Variants in MLLT1 observed in about 807,000 individuals in gnomAD.
The protein encoded by MLLT1 is MLLT1 super elongation complex subunit.
In MLLT1, 11 loss-of-function variants were observed where a neutral mutation model predicts 55.1. The observed-to-expected ratio is 0.20, with a 90% CI of 0.13 to 0.33. The LOEUF (loss-of-function observed/expected upper bound fraction) is 0.33. Ranked by LOEUF, MLLT1 falls within the 10% of genes least tolerant of loss-of-function variation. MLLT1 has a pLI of 1.00. For missense variants in MLLT1, 536 were observed against 760.6 expected (o/e 0.70, Z 3.47); for synonymous variants, 323 against 320.1 (o/e 1.01, Z -0.10).
intron 3 of MLLT1, among the ~76,000 whole-genome samples, chr19:6,261,377 G>A (rs2144939289): frequency 6.6e-6 from 1 of 152,336 alleles, no homozygotes; most frequent in South Asian, 2.1e-4. Context: ...CGTGCCAGAG[G>A]GTTTGTGGAA....
chr19:6,265,063 AAC>A lies in MLLT1; in HGVS notation c.194-2755_194-2754del, dbSNP rs1205742754. Among the ~76,000 whole-genome samples the A allele has an allele frequency of 3.2e-3, 433 of 136,938 alleles. 22 individuals carry two copies. The highest frequency in any genetic ancestry group is 0.011 in the African/African-American group (375 of 34,118). 89.8% of individuals were successfully genotyped at this position (136,938 alleles called of 152,430 possible). ...CAAAAAAAAAACAAAAAAACAAAAA[AAC>A]AAAAAAAAACATGATGTCATAAAGC... On this transcript the variant is annotated intron_variant, in intron 2 of 11. Coordinates refer to ENST00000252674, the MANE Select transcript of MLLT1 (RefSeq NM_005934.4).
chr19:6,278,402 G>A (rs2091438507), intron 1 of MLLT1, among the ~76,000 whole-genome samples: 1 of 149,238 alleles, frequency 6.7e-6, no homozygotes, highest in Non-Finnish European at 1.5e-5. Context: ...CAGACCAATG[G>A]GGAGGGGCCG....
At position 6,240,340 on chromosome 19, in the gene MLLT1, C is replaced by T. The variant is rs1400522058; in HGVS notation, c.277-9627G>A. ...TGGTCAGGGGAGGCGGGGGAGTTTT[C>T]TTCTTGTACCCCTGAACTTCAAACT... On this transcript the variant is annotated intron_variant, in intron 3 of 11. Coordinates refer to ENST00000252674, the MANE Select transcript of MLLT1 (RefSeq NM_005934.4). The surrounding 1 kb of genome is among the most constrained non-coding windows in gnomAD (Gnocchi z 4.7). Among the ~76,000 whole-genome samples the T allele has an allele frequency of 6.6e-6, 1 of 152,212 alleles. No homozygotes were observed. Among genetic ancestry groups the T allele is most frequent in the Non-Finnish European group, 1.5e-5 (1 of 68,022 alleles).
At chr19:6,217,601 G>A (rs1432129288) in intron 7 of MLLT1, among the ~76,000 whole-genome samples, 1 of 152,252 alleles carries the variant, frequency 6.6e-6, no homozygotes, top group African/African-American at 2.4e-5. Flanking sequence ...TGGGGAGCGG[G>A]TGGGATGGGC....
At chr19:6,277,866 A>G (rs1295442606) in intron 1 of MLLT1, among the ~76,000 whole-genome samples, 1 of 152,210 alleles carries the variant, frequency 6.6e-6, no homozygotes, top group Non-Finnish European at 1.5e-5. Context: ...ATTGGAAGCA[A>G]CAAGCTCTGT....
At chr19:6,266,563 T>C (rs1336241697) in intron 2 of MLLT1, among the ~76,000 whole-genome samples, 7 of 152,106 alleles carry the variant, frequency 4.6e-5, no homozygotes, top group Admixed American at 3.9e-4. Context: ...TTCAAGCGAT[T>C]TTCCTGCCTC....
chr19:6,225,674 G>A (rs1045963870), intron 5 of MLLT1, among the ~76,000 whole-genome samples: 4 of 152,158 alleles, frequency 2.6e-5, no homozygotes, highest in Non-Finnish European at 5.9e-5. Flanking sequence ...GGCCTCCTAA[G>A]CCTGGTGGAT....
chr19:6,229,158 G>A lies in MLLT1; in HGVS notation c.420+1412C>T, dbSNP rs947598165. The stretch of plus-strand genomic sequence containing the variant: ...ACGCCCAAAAACACCTACTGCAAAC[G>A]TGGTGAAAACACCTGGCCATGAAAG... On this transcript the variant is annotated intron_variant, in intron 4 of 11. Coordinates refer to ENST00000252674, the MANE Select transcript of MLLT1 (RefSeq NM_005934.4). This position sits in a 1 kb window ranked among gnomAD's most constrained non-coding sequence, Gnocchi z 5.2. Among the ~76,000 whole-genome samples the A allele has an allele frequency of 6.6e-5, 10 of 151,948 alleles. No homozygotes were observed. The highest frequency in any genetic ancestry group is 9.7e-5 in the African/African-American group (4 of 41,350).
chr19:6,226,867 G>A lies in MLLT1; in HGVS notation c.546+110C>T, dbSNP rs1038405976. 2 of 836,802 alleles carry A rather than the reference G, an allele frequency of 2.4e-6. No individual in the cohort carries two copies. 51.8% of individuals were successfully genotyped at this position (836,802 alleles called of 1,614,324 possible). On this transcript the variant is annotated intron_variant, in intron 5 of 11. Coordinates refer to ENST00000252674, the MANE Select transcript of MLLT1 (RefSeq NM_005934.4). The surrounding 1 kb of genome is among the most constrained non-coding windows in gnomAD (Gnocchi z 6.3). ...GAGCTCAAAGAGGAAGACGCCAAGG[G>A]AGCGAGCAGGTGCGGAAGGCCCAGC...
At chr19:6,238,438 C>T (rs1214240594) in intron 3 of MLLT1, among the ~76,000 whole-genome samples, 2 of 152,232 alleles carry the variant, frequency 1.3e-5, no homozygotes, top group Admixed American at 6.5e-5. Flanking sequence ...CAAAACAACC[C>T]TTGCGGGGAG....
At chr19:6,263,050 G>A (rs1338734032) in intron 2 of MLLT1, 1 of 152,240 alleles carries the variant, frequency 6.6e-6, no homozygotes. Flanking sequence ...TGGGCGTGGT[G>A]GCACACACCT....
In MLLT1 at chr19:6,211,231, G is replaced by A; in HGVS notation, c.*1811C>T. ...CCAGAGAAGAAAGGAAGCGCCCCAT[G>A]GTGGAGTATTGTTGGCCGCCCTGGG... On this transcript the variant is annotated 3_prime_UTR_variant, in exon 12 of 12. Transcript: ENST00000252674. The surrounding 1 kb of genome is among the most constrained non-coding windows in gnomAD (Gnocchi z 4.6). The A allele has an allele frequency of 8.6e-6, 2 of 232,796 alleles. No individual in the cohort carries two copies. The highest frequency in any genetic ancestry group is 1.7e-5 in the Non-Finnish European group (2 of 117,784). The allele number at this position is 232,796 out of a possible 1,614,324, so 14.4% of individuals were successfully genotyped here.
In MLLT1 at chr19:6,240,455, G is replaced by A. The variant is rs1165952657; in HGVS notation, c.277-9742C>T. On this transcript the variant is annotated intron_variant, in intron 3 of 11. Coordinates refer to ENST00000252674, the MANE Select transcript of MLLT1 (RefSeq NM_005934.4). The surrounding 1 kb of genome is among the most constrained non-coding windows in gnomAD (Gnocchi z 4.7). Reference sequence around the variant, plus strand: ...CGGGCTCCAAGCGGAGCTGGCACCCGGCGCAGGTGACGTTGCCCATCTGTG... The same window carrying A: ...CGGGCTCCAAGCGGAGCTGGCACCCAGCGCAGGTGACGTTGCCCATCTGTG... Among the ~76,000 whole-genome samples the A allele has an allele frequency of 3.9e-5, 6 of 152,250 alleles. No homozygotes were observed. The highest frequency in any genetic ancestry group is 7.3e-5 in the Non-Finnish European group (5 of 68,034).
At chr19:6,251,415 A>G (rs1305590642) in intron 3 of MLLT1, among the ~76,000 whole-genome samples, 1 of 152,196 alleles carries the variant, frequency 6.6e-6, no homozygotes, top group African/African-American at 2.4e-5. Context: ...ATATTTAGCA[A>G]GTGCTACCTC....
chr19:6,277,719 C>G (rs934554557), intron 1 of MLLT1, among the ~76,000 whole-genome samples: 4 of 152,196 alleles, frequency 2.6e-5, no homozygotes, highest in South Asian at 2.1e-4. Flanking sequence ...CCTAGGACAT[C>G]TCCCCCAGGG....
At chr19:6,269,965 G>A (rs1478719676) in intron 2 of MLLT1, among the ~76,000 whole-genome samples, 1 of 151,988 alleles carries the variant, frequency 6.6e-6, no homozygotes, top group African/African-American at 2.4e-5. Flanking sequence ...CCCCACCACA[G>A]CCTTTCCCTA....
At chr19:6,238,408 G>A (rs1370277843) in intron 3 of MLLT1, among the ~76,000 whole-genome samples, 2 of 152,346 alleles carry the variant, frequency 1.3e-5, no homozygotes, top group African/African-American at 2.4e-5. Context: ...ATTAGTAGAC[G>A]TGATGTCTAG....
rs2090961991 is a variant in MLLT1 at position 6,226,939 on chromosome 19, C to CG, written c.546+37dup. 3 of 1,517,250 alleles carry CG rather than the reference C, an allele frequency of 2.0e-6. No individual in the cohort carries two copies. Among genetic ancestry groups the CG allele is most frequent in the Admixed American group, 2.3e-5 (1 of 44,244 alleles). 94.0% of individuals were successfully genotyped at this position (1,517,250 alleles called of 1,614,324 possible). On this transcript the variant is annotated intron_variant, in intron 5 of 11. Coordinates refer to ENST00000252674, the MANE Select transcript of MLLT1 (RefSeq NM_005934.4). The surrounding 1 kb of genome is among the most constrained non-coding windows in gnomAD (Gnocchi z 6.3). ...GGCCAGACCCACCACAGCTGGGCCCCGGCGCTCCCACGCGACTGGGCCTTC... is the reference window on the plus strand; with the variant it reads ...GGCCAGACCCACCACAGCTGGGCCCCGGGCGCTCCCACGCGACTGGGCCTTC...
At position 6,226,061 on chromosome 19, in the gene MLLT1, G is replaced by T. The variant is rs758057338; in HGVS notation, c.546+916C>A. Among the ~76,000 whole-genome samples the T allele has an allele frequency of 1.3e-5, 2 of 152,224 alleles. No individual in the cohort carries two copies. The highest frequency in any genetic ancestry group is 2.9e-5 in the Non-Finnish European group (2 of 68,034). On this transcript the variant is annotated intron_variant, in intron 5 of 11. Transcript: ENST00000252674. This position sits in a 1 kb window ranked among gnomAD's most constrained non-coding sequence, Gnocchi z 6.3. ...GAAAGAGCCAGAAAGACCTGCCTGG[G>T]TGCTGCGGTTCTTCTCCCGCATGGC...
Sources: allele counts gnomAD v4.1 joint callset (sites outside exome capture counted in the v4.1 genomes callset), GRCh38; gene constraint gnomAD v4.1.1; non-coding constraint Gnocchi (gnomAD v3.1); transcripts MANE v1.5; gene names NCBI Gene and HGNC (gene_info 2026-07-23, HGNC 2026-07-21).